Variants in DENND2C observed in about 807,000 individuals in gnomAD.
The protein encoded by DENND2C is DENN domain-containing protein 2C.
DENND2C carries 72 observed loss-of-function variants against 112.4 expected under a neutral mutation model. That is an observed-to-expected ratio of 0.64 (90% CI 0.53 to 0.78). The LOEUF is 0.78. Among genes scored for constraint, DENND2C ranks in the 30% least tolerant of loss-of-function variants. The probability of loss-of-function intolerance (pLI) is 0.00; values close to 1 mark genes in which losing one functional copy is unlikely to be tolerated. For missense variants in DENND2C, 992 were observed against 1,113.8 expected, an observed-to-expected ratio of 0.89 and a Z score of 1.56; for synonymous variants, 329 against 381.6, an observed-to-expected ratio of 0.86 and a Z score of 1.61.
chr1:114,627,961 GA>G (rs1015669182), intron 3 of DENND2C, among the ~76,000 whole-genome samples: 2 of 149,040 alleles, frequency 1.3e-5, no homozygotes, highest in African/African-American at 4.9e-5. Flanking sequence ...CTCAAATTGA[GA>G]AAAAAAAATG....
chr1:114,620,515 A>T (rs933930856), intron 7 of DENND2C, among the ~76,000 whole-genome samples: 1 of 152,172 alleles, frequency 6.6e-6, no homozygotes, highest in African/African-American at 2.4e-5. Flanking sequence ...TAATGCCATT[A>T]TAAGAACCAC....
chr1:114,666,292 T>C (rs760117328), intron 1 of DENND2C, among the ~76,000 whole-genome samples: 1 of 152,166 alleles, frequency 6.6e-6, no homozygotes, highest in African/African-American at 2.4e-5. Flanking sequence ...TCTCTCTTCA[T>C]CCAATTCAGC....
At chr1:114,602,835 A>G (rs915266512) in intron 11 of DENND2C, among the ~76,000 whole-genome samples, 1 of 152,086 alleles carries the variant, frequency 6.6e-6, no homozygotes, top group Non-Finnish European at 1.5e-5. Flanking sequence ...AAGTGCTGGG[A>G]TTATAGACAT....
chr1:114,630,564 C>G (rs1219373492), intron 3 of DENND2C, among the ~76,000 whole-genome samples: 1 of 152,046 alleles, frequency 6.6e-6, no homozygotes, highest in African/African-American at 2.4e-5. Context: ...AAAGTAGGGT[C>G]AGGAGGGAGA....
intron 2 of DENND2C, among the ~76,000 whole-genome samples, chr1:114,650,703 A>G (rs924287551): frequency 2.0e-5 from 3 of 149,126 alleles, no homozygotes; most frequent in South Asian, 2.1e-4. Flanking sequence ...AAAGAATTTC[A>G]GACTACAGAC....
intron 18 of DENND2C, among the ~76,000 whole-genome samples, chr1:114,592,038 C>T (rs1202884532): frequency 6.6e-6 from 1 of 152,018 alleles, no homozygotes; most frequent in South Asian, 2.1e-4. Context: ...GCGCGTACCA[C>T]CACACCCAGC....
At chr1:114,597,138 C>T (rs567091766) in intron 16 of DENND2C, among the ~76,000 whole-genome samples, 2 of 151,998 alleles carry the variant, frequency 1.3e-5, no homozygotes, top group African/African-American at 4.8e-5. Context: ...GGGCCAGTAC[C>T]CAGAATATAA....
chr1:114,636,308 T>C (rs1656654435), intron 3 of DENND2C, among the ~76,000 whole-genome samples: 1 of 152,190 alleles, frequency 6.6e-6, no homozygotes, highest in Admixed American at 6.5e-5. Context: ...CAAATACTTT[T>C]TCCTTAAGAA....
chr1:114,625,022 C>A (rs1328428603), intron 4 of DENND2C, among the ~76,000 whole-genome samples, 157 bp downstream of exon 4: 1 of 152,132 alleles, frequency 6.6e-6, no homozygotes, highest in Non-Finnish European at 1.5e-5. Context: ...ACTTTTTTCA[C>A]TTCTTATTTT....
intron 1 of DENND2C, among the ~76,000 whole-genome samples, chr1:114,658,892 AATG>A (rs1336180603): frequency 1.3e-5 from 2 of 151,970 alleles, no homozygotes; most frequent in East Asian, 3.9e-4. Context: ...AAATTTTTTA[AATG>A]ATGATAAGCA....
At chr1:114,669,507 C>T (rs1405717810) in intron 1 of DENND2C, among the ~76,000 whole-genome samples, 1 of 152,078 alleles carries the variant, frequency 6.6e-6, no homozygotes, top group African/African-American at 2.4e-5. Context: ...CGGTATTGTG[C>T]GTATTAGATG....
chr1:114,650,879 A>T (rs1326540835), intron 2 of DENND2C, among the ~76,000 whole-genome samples: 1 of 152,216 alleles, frequency 6.6e-6, no homozygotes, highest in Non-Finnish European at 1.5e-5. Flanking sequence ...ATAAAAGAGC[A>T]ACAAAAGTAA....
At chr1:114,663,609 C>T (rs1223887981) in intron 1 of DENND2C, among the ~76,000 whole-genome samples, 2 of 152,140 alleles carry the variant, frequency 1.3e-5, no homozygotes, top group Non-Finnish European at 2.9e-5. Flanking sequence ...CAGACTATGG[C>T]CTACCTGTGG....
In DENND2C at chr1:114,664,203, G is replaced by A. The variant is rs1424913159; in HGVS notation, c.-574+5780C>T. Among the ~76,000 whole-genome samples the A allele has an allele frequency of 4.6e-5, 7 of 152,042 alleles. No individual in the cohort carries two copies. The East Asian group carries it at 5.8e-4, about 13-fold the overall frequency. ...GATCTTCCCATCTTGGCCTCCCAAC[G>A]TGCTGATTATAGGCATGGGGACACA... On this transcript the variant is annotated intron_variant, in intron 1 of 20. Coordinates refer to ENST00000393274, the MANE Select transcript of DENND2C (RefSeq NM_001256404.2).
Position 114,604,974 on chromosome 1 carries a change from T to G in DENND2C, c.1615A>C (p.Lys539Gln). Residue 539 changes from lysine (K) to glutamine (Q), a missense_variant, in exon 11 of 21, where the codon AAA becomes CAA. This residue lies in a region of DENND2C where 516 missense variants were observed against 623.6 expected (regional missense o/e 0.83). Transcript: ENST00000393274. ...TCCTTTGAATCAGGAAAACAAAATT[T>G]TGGAATAACTTTAAGTCTCTCTTCC... is the stretch of plus-strand genomic sequence containing the variant. ...DMEERLKVIP[K>Q]FCFPDSKDWM... The G allele has an allele frequency of 6.2e-7, 1 of 1,613,890 alleles. No homozygotes were observed. Among genetic ancestry groups the G allele is most frequent in the Non-Finnish European group, 8.5e-7 (1 of 1,179,960 alleles).
chr1:114,587,939 G>A lies in DENND2C; in HGVS notation c.2445C>T (p.Asn815=). 6.2e-7 allele frequency: 1 copy of A among 1,614,008 alleles called. No individual in the cohort carries two copies. Among genetic ancestry groups the A allele is most frequent in the Non-Finnish European group, 8.5e-7 (1 of 1,179,984 alleles). Reference sequence around the variant, plus strand: ...TGACAAATGCTTCGGACACCAGAGAGTTGAGTGTCACATCTGCTGCAACAT... The same window carrying A: ...TGACAAATGCTTCGGACACCAGAGAATTGAGTGTCACATCTGCTGCAACAT... ...EQNFSQDVTL[N]SLVSEAFVRF... Residue 815 remains asparagine, a synonymous_variant, in exon 19 of 21, where the codon AAC becomes AAT. Transcript: ENST00000393274.
intron 15 of DENND2C, among the ~76,000 whole-genome samples, chr1:114,599,879 C>A (rs1655445304): frequency 1.4e-5 from 2 of 144,124 alleles, no homozygotes; most frequent in Non-Finnish European, 3.0e-5. Context: ...AAAATATGCC[C>A]AAATTTTTGT....
chr1:114,611,579 C>T (rs776264251), intron 8 of DENND2C, among the ~76,000 whole-genome samples: 3 of 152,140 alleles, frequency 2.0e-5, no homozygotes, highest in Non-Finnish European at 2.9e-5. Context: ...ATTACCAAGT[C>T]AGCCTACCTC....
rs776009215 is a variant in DENND2C, at chr1:114,608,816, T to C, written c.1427A>G (p.Gln476Arg). 6.2e-7 allele frequency: 1 copy of C among 1,614,224 alleles called. No individual in the cohort carries two copies. Among genetic ancestry groups the C allele is most frequent in the Admixed American group, 1.7e-5 (1 of 60,014 alleles). The change falls in exon 10 of 21, where the codon CAG (glutamine) becomes CGG (arginine). Residue 476 changes from glutamine (Q) to arginine (R), a missense_variant. Physicochemically the swap from Gln to Arg is conservative, Grantham distance 43 (BLOSUM62 1). Around this residue, in one of 3 missense-constraint regions of DENND2C, gnomAD observed 516 missense variants for 623.6 expected, o/e 0.83. Coordinates refer to ENST00000393274, the MANE Select transcript of DENND2C (RefSeq NM_001256404.2). ...TTCAATAAGATCCCGCTCCAAGGTCTGGTAGTGAGGATTCCTCTTGGAAGA... is the reference window on the plus strand; with the variant it reads ...TTCAATAAGATCCCGCTCCAAGGTCCGGTAGTGAGGATTCCTCTTGGAAGA... ...QPSSKRNPHYQTLERDLIELQ... is the reference protein window; with the variant it reads ...QPSSKRNPHYRTLERDLIELQ...
Sources: gnomAD v4.1 joint callset for allele counts (sites outside exome capture counted in the v4.1 genomes callset) on GRCh38, gnomAD v4.1.1 for gene constraint, gnomAD v4.1.1 regional missense constraint, MANE v1.5 for transcripts, NCBI Gene and HGNC (gene_info 2026-07-23, HGNC 2026-07-21) for gene names.